VEPH1: variants seen among roughly 807,000 people sequenced by gnomAD.
The protein encoded by VEPH1 is ventricular zone-expressed PH domain-containing protein homolog 1.
Under a neutral mutation model 85.2 loss-of-function variants are expected in VEPH1, and 80 were observed. The ratio of observed to expected loss-of-function variants is 0.94; its 90% confidence interval spans 0.78 to 1.13. VEPH1 has a LOEUF of 1.13. Among genes scored for constraint, VEPH1 ranks in the 50% most tolerant of loss-of-function variants. VEPH1 has a pLI of 0.00. For synonymous variants in VEPH1, 297 were observed against 348.0 expected (o/e 0.85, Z 1.63); for missense variants, 955 against 980.5 (o/e 0.97, Z 0.35).
At chr3:157,313,175 A>T (rs1720324515) in intron 11 of VEPH1, among the ~76,000 whole-genome samples, 1 of 151,808 alleles carries the variant, frequency 6.6e-6, no homozygotes, top group Non-Finnish European at 1.5e-5. Flanking sequence ...AAGTGCTGGG[A>T]TTACAGGCAT....
rs967795946 is a variant in VEPH1, at chr3:157,317,217, T to C, written c.1736-16A>G. 2.5e-6 allele frequency: 4 copies of C among 1,604,816 alleles called. No homozygotes were observed. The African/African-American group carries it at 4.0e-5, about 16-fold the overall frequency. On this transcript the variant is annotated splice_polypyrimidine_tract_variant and intron_variant, in intron 9 of 13. Coordinates refer to ENST00000362010, the MANE Select transcript of VEPH1 (RefSeq NM_001167912.2). ...CTCACAGTGTCTAGAAACAAATACA[T>C]ATAGCGTTAAACGTTATGGTCTTTC...
At chr3:157,348,555 G>A (rs188344299) in intron 9 of VEPH1, among the ~76,000 whole-genome samples, 1 of 152,030 alleles carries the variant, frequency 6.6e-6, no homozygotes, top group Admixed American at 6.5e-5. Context: ...GTCTTCTTTT[G>A]AGAAATATCT....
chr3:157,279,261 T>C (rs1577222277), intron 12 of VEPH1, among the ~76,000 whole-genome samples: 1 of 152,280 alleles, frequency 6.6e-6, no homozygotes, highest in East Asian at 1.9e-4. Context: ...AGAGGAGTGT[T>C]GTGTCACAGA....
intron 2 of VEPH1, chr3:157,493,203 C>T (rs1213610828): frequency 2.2e-6 from 1 of 453,902 alleles, no homozygotes; most frequent in Non-Finnish European, 4.4e-6. Context: ...CGCATCATTG[C>T]AAGTGCAGGA....
At chr3:157,282,538 ATGGGGC>A (rs1218992243) in intron 12 of VEPH1, among the ~76,000 whole-genome samples, 3 of 151,732 alleles carry the variant, frequency 2.0e-5, no homozygotes, top group African/African-American at 7.3e-5. Flanking sequence ...GACTAATCAC[ATGGGGC>A]TGCTTAGATT....
chr3:157,432,850 C>T (rs4680364), intron 4 of VEPH1, among the ~76,000 whole-genome samples: 98,004 of 151,972 alleles, frequency 0.64, 32,129 homozygotes, highest in East Asian at 0.79. Context: ...CTGACATCTT[C>T]GTAAAACTGA....
intron 4 of VEPH1, among the ~76,000 whole-genome samples, chr3:157,456,473 T>C (rs1237221443): frequency 6.6e-6 from 1 of 152,326 alleles, no homozygotes; most frequent in African/African-American, 2.4e-5. Context: ...TGGTGTTGCC[T>C]AGGTTATCTT....
chr3:157,369,204 A>AAAAAAAAAAAAAAC (rs1727204831), intron 7 of VEPH1, among the ~76,000 whole-genome samples: 3 of 146,160 alleles, frequency 2.1e-5, no homozygotes, highest in Admixed American at 6.8e-5. Flanking sequence ...AAAAAAAAAA[A>AAAAAAAAAAAAAAC]CCTCCTGAGG....
chr3:157,405,309 T>C (rs2108995069), intron 6 of VEPH1, among the ~76,000 whole-genome samples: 1 of 152,264 alleles, frequency 6.6e-6, no homozygotes, highest in South Asian at 2.1e-4. Flanking sequence ...TTGTAACCAT[T>C]ATTTACTACT....
At chr3:157,389,486 C>T (rs1210056353) in intron 6 of VEPH1, among the ~76,000 whole-genome samples, 1 of 152,172 alleles carries the variant, frequency 6.6e-6, no homozygotes, top group Non-Finnish European at 1.5e-5. Flanking sequence ...TTTTTTGCTA[C>T]TCTGTGCACA....
chr3:157,269,953 C>T (rs115386109), intron 12 of VEPH1, among the ~76,000 whole-genome samples: 328 of 152,150 alleles, frequency 2.2e-3, no homozygotes, highest in African/African-American at 7.6e-3. Context: ...TAAAGCACCA[C>T]AATTTGGCCA....
intron 6 of VEPH1, among the ~76,000 whole-genome samples, chr3:157,392,931 A>G (rs1318873390): frequency 6.6e-6 from 1 of 152,122 alleles, no homozygotes; most frequent in East Asian, 1.9e-4. Flanking sequence ...TAGCTATTCT[A>G]TTTCTCAGGC....
intron 6 of VEPH1, among the ~76,000 whole-genome samples, chr3:157,395,096 A>G (rs1335424429): frequency 6.6e-6 from 1 of 152,194 alleles, no homozygotes; most frequent in Non-Finnish European, 1.5e-5. Flanking sequence ...TCACGAATGC[A>G]TTGCCGCATT....
rs79506548 is a variant in VEPH1 at position 157,432,677 on chromosome 3, A to C, written c.530-4189T>G. Among the ~76,000 whole-genome samples the C allele has an allele frequency of 7.3e-3, 1,107 of 152,264 alleles. 14 individuals carry two copies. Among genetic ancestry groups the C allele is most frequent in the African/African-American group, 0.025 (1,040 of 41,544 alleles). On this transcript the variant is annotated intron_variant, in intron 4 of 13. Transcript: ENST00000362010. The stretch of plus-strand genomic sequence containing the variant: ...ACATTTTCTTAATTACAATAATTTT[A>C]TAATAAATCATTATATCCCATAGGA...
chr3:157,495,381 A>G lies in VEPH1; in HGVS notation c.-32T>C. ...GATGAGTTTGATCAGTTGACTTTCT[A>G]CAGACCCAGAGTCATGTGTTCCAGT... On this transcript the variant is annotated 5_prime_UTR_variant, in exon 2 of 14. The change abolishes the stop of an existing upstream ORF in the 5' untranslated region. Transcript: ENST00000362010. The G allele has an allele frequency of 1.2e-6, 2 of 1,611,560 alleles. No individual in the cohort carries two copies. Among genetic ancestry groups the G allele is most frequent in the Non-Finnish European group, 1.7e-6 (2 of 1,178,820 alleles).
chr3:157,489,326 G>A (rs915628992), intron 2 of VEPH1: 1 of 383,106 alleles, frequency 2.6e-6, no homozygotes, highest in African/African-American at 2.1e-5. Flanking sequence ...AGAAACTCCA[G>A]CCTACAACCT....
chr3:157,284,589 T>C (rs1716539587), intron 12 of VEPH1, among the ~76,000 whole-genome samples: 1 of 151,588 alleles, frequency 6.6e-6, no homozygotes. Context: ...AGATTAAATA[T>C]ATAATTTAAG....
chr3:157,496,094 G>T (rs2109762685), intron 1 of VEPH1, among the ~76,000 whole-genome samples: 1 of 152,190 alleles, frequency 6.6e-6, no homozygotes, highest in East Asian at 1.9e-4. Context: ...TAAAGATGCT[G>T]CTTAGGAGAA....
At chr3:157,304,023 T>TTATATATATATATATATATATATATATA (rs1553761056) in intron 11 of VEPH1, among the ~76,000 whole-genome samples, 10 of 89,118 alleles carry the variant, frequency 1.1e-4, no homozygotes, top group African/African-American at 5.1e-4. Context: ...CTTATATTTT[T>TTATATATATATATATATATATATATATA]TATATATATA....
Sources: allele counts gnomAD v4.1 joint callset (sites outside exome capture counted in the v4.1 genomes callset), GRCh38; gene constraint gnomAD v4.1.1; transcripts MANE v1.5; gene names NCBI Gene and HGNC (gene_info 2026-07-23, HGNC 2026-07-21).